AFF1: variants seen among roughly 807,000 people sequenced by gnomAD.
The protein encoded by AFF1 is ALF transcription elongation factor 1, also known as AF4/FMR2 family member 1.
A neutral mutation model predicts 121.7 loss-of-function variants in AFF1; 48 were observed. The ratio of observed to expected loss-of-function variants is 0.39; its 90% CI spans 0.31 to 0.50. The LOEUF (loss-of-function observed/expected upper bound fraction) is 0.50, where lower values mean the gene tolerates loss of function less well. Ranked by LOEUF, AFF1 falls within the 20% of genes least tolerant of loss-of-function variation. The pLI is 0.76. For synonymous variants in AFF1, 613 were observed against 563.0 expected, an observed-to-expected ratio of 1.09 and a Z score of -1.26; for missense variants, 1,523 against 1,511.7, an observed-to-expected ratio of 1.01 and a Z score of -0.12.
intron 2 of AFF1, among the ~76,000 whole-genome samples, chr4:87,025,958 C>T (rs560039915): frequency 5.8e-4 from 89 of 152,236 alleles, no homozygotes; most frequent in African/African-American, 2.0e-3. Context: ...CCTTACTCTA[C>T]CCCTCACCAC....
intron 2 of AFF1, among the ~76,000 whole-genome samples, chr4:87,018,621 A>G (rs1395135244): frequency 6.6e-6 from 1 of 152,248 alleles, no homozygotes; most frequent in Non-Finnish European, 1.5e-5. Flanking sequence ...ATTTTTAAAC[A>G]GGGATAAAAA....
chr4:86,965,173 C>T (rs190074786), intron 2 of AFF1, among the ~76,000 whole-genome samples: 2 of 152,192 alleles, frequency 1.3e-5, no homozygotes, highest in Non-Finnish European at 2.9e-5. Context: ...ATTGTTGACT[C>T]AACTGTTGAA....
intron 4 of AFF1, among the ~76,000 whole-genome samples, chr4:87,059,300 C>T (rs1009647105): frequency 6.6e-6 from 1 of 152,106 alleles, no homozygotes; most frequent in Non-Finnish European, 1.5e-5. Context: ...TTTTTGTGCC[C>T]CCCTCTCCCT....
At chr4:86,938,394 G>A (rs1256571578) in intron 1 of AFF1, among the ~76,000 whole-genome samples, 2 of 148,150 alleles carry the variant, frequency 1.3e-5, no homozygotes, top group African/African-American at 5.0e-5. Flanking sequence ...AGGTTGCAGT[G>A]AGCCGAGATT....
chr4:87,058,753 G>A (rs1467472081), intron 4 of AFF1, among the ~76,000 whole-genome samples: 1 of 152,076 alleles, frequency 6.6e-6, no homozygotes, highest in African/African-American at 2.4e-5. Context: ...TCCCTCCACA[G>A]CAAAAGCTCT....
At chr4:87,009,559 G>T (rs1426123683) in intron 2 of AFF1, among the ~76,000 whole-genome samples, 1 of 152,196 alleles carries the variant, frequency 6.6e-6, no homozygotes, top group Non-Finnish European at 1.5e-5. Flanking sequence ...CCACAAGACT[G>T]TTATGTCTGT....
chr4:87,093,457 C>A (rs1225109502), intron 7 of AFF1, among the ~76,000 whole-genome samples: 1 of 152,198 alleles, frequency 6.6e-6, no homozygotes, highest in Non-Finnish European at 1.5e-5. Flanking sequence ...ACTCTGATTT[C>A]TTCAACACTT....
intron 2 of AFF1, among the ~76,000 whole-genome samples, chr4:87,029,211 A>G (rs959290881): frequency 1.1e-4 from 16 of 152,102 alleles, no homozygotes; most frequent in African/African-American, 3.6e-4. Context: ...ATTGTAAGAG[A>G]ATAGTTGGGA....
chr4:86,973,487 C>T (rs916250203), intron 2 of AFF1, among the ~76,000 whole-genome samples: 10 of 152,030 alleles, frequency 6.6e-5, no homozygotes, highest in South Asian at 4.2e-4. Flanking sequence ...ACACCCCTTA[C>T]GGTAGAGAAA....
At chr4:87,027,784 GTTTTTTT>G (rs35903702) in intron 2 of AFF1, among the ~76,000 whole-genome samples, 3 of 90,598 alleles carry the variant, frequency 3.3e-5, no homozygotes, top group African/African-American at 4.4e-5. Context: ...TTGCTGTTGG[GTTTTTTT>G]TTTTTTTTTT....
At chr4:87,045,902 T>C (rs1483737657) in intron 2 of AFF1, among the ~76,000 whole-genome samples, 1 of 152,132 alleles carries the variant, frequency 6.6e-6, no homozygotes, top group Non-Finnish European at 1.5e-5. Flanking sequence ...TTGGAACCAG[T>C]CCTGAGCCAT....
chr4:87,073,314 A>T (rs999298515), intron 4 of AFF1, among the ~76,000 whole-genome samples: 1 of 109,840 alleles, frequency 9.1e-6, no homozygotes. Flanking sequence ...AAAAAAAAAA[A>T]GCGGGGGCGG....
rs147027457 is a variant in AFF1, at chr4:87,079,805, A to G, written c.1060-4315A>G. ...TTTAAAAACTGGCATAATACCTACC[A>G]CAAAGGTTGATGTGAGAATTAAATA... On this transcript the variant is annotated intron_variant, in intron 4 of 20. Coordinates refer to ENST00000395146, the MANE Select transcript of AFF1 (RefSeq NM_001166693.3). Among the ~76,000 whole-genome samples the G allele has an allele frequency of 4.6e-3, 699 of 152,296 alleles. 1 individual carries two copies. The highest frequency in any genetic ancestry group is 0.01 in the Middle Eastern group (3 of 294).
intron 7 of AFF1, among the ~76,000 whole-genome samples, chr4:87,092,488 A>G (rs1331918854): frequency 1.3e-5 from 2 of 152,192 alleles, no homozygotes; most frequent in African/African-American, 4.8e-5. Flanking sequence ...TATAAGGAAT[A>G]TGACATACAG....
At chr4:87,105,873 A>G (rs1725865747) in intron 10 of AFF1, 28 bp downstream of exon 10, 1 of 1,613,222 alleles carries the variant, frequency 6.2e-7, no homozygotes. Context: ...CCCCATCTGT[A>G]CAGAATGTTT....
At position 86,942,862 on chromosome 4, in the gene AFF1, A is replaced by G. The variant is rs1449039682; in HGVS notation, c.-36-5636A>G. Among the ~76,000 whole-genome samples, 4 of 152,248 alleles carry G rather than the reference A, an allele frequency of 2.6e-5. No individual in the cohort carries two copies. In the South Asian group the frequency reaches 6.2e-4, roughly 24 times the overall value. ...GTCAGAGTTCCTGATGCCTCATTGC[A>G]TAGCTAACAGTATGCCAAGTAGCCA... On this transcript the variant is annotated intron_variant, in intron 1 of 20. Coordinates refer to ENST00000395146, the MANE Select transcript of AFF1 (RefSeq NM_001166693.3).
chr4:86,993,436 C>T (rs1724884134), intron 2 of AFF1, among the ~76,000 whole-genome samples: 1 of 152,116 alleles, frequency 6.6e-6, no homozygotes, highest in Non-Finnish European at 1.5e-5. Flanking sequence ...AATCCTTCCC[C>T]TTTCCTGATA....
At chr4:87,007,134 C>A (rs1726217314) in intron 2 of AFF1, 2 of 1,266,850 alleles carry the variant, frequency 1.6e-6, no homozygotes, top group Non-Finnish European at 2.0e-6. Context: ...CGGATTCGGA[C>A]GCGGCGCTCC....
At chr4:86,944,533 A>G (rs1443446510) in intron 1 of AFF1, among the ~76,000 whole-genome samples, 2 of 152,036 alleles carry the variant, frequency 1.3e-5, no homozygotes, top group African/African-American at 4.8e-5. Flanking sequence ...TTTAGTAGAG[A>G]TGGGGTTTCA....
Sources: allele counts gnomAD v4.1 joint callset (sites outside exome capture counted in the v4.1 genomes callset), GRCh38; gene constraint gnomAD v4.1.1; transcripts MANE v1.5; gene names NCBI Gene and HGNC (gene_info 2026-07-23, HGNC 2026-07-21).